Variants in IKZF3 observed in about 807,000 individuals in gnomAD.
The protein encoded by IKZF3 is zinc finger protein Aiolos.
In IKZF3, 10 loss-of-function variants were observed where a neutral mutation model predicts 49.0. The observed-to-expected ratio is 0.20, with a 90% confidence interval of 0.13 to 0.35. The LOEUF (loss-of-function observed/expected upper bound fraction) is 0.35, where lower values mean the gene tolerates loss of function less well. Among genes scored for constraint, IKZF3 ranks in the 10% least tolerant of loss-of-function variants. The pLI is 1.00. For synonymous variants in IKZF3, 209 were observed against 228.2 expected, an observed-to-expected ratio of 0.92 and a Z score of 0.76; for missense variants, 498 against 664.8, an observed-to-expected ratio of 0.75 and a Z score of 2.76.
intron 1 of IKZF3, 76 bp downstream of exon 1, chr17:39,864,044 A>T (rs1415760127): frequency 1.9e-6 from 3 of 1,568,508 alleles, no homozygotes; most frequent in Admixed American, 3.3e-5. Context: ...TGAGATTCAG[A>T]AGAAACTCTT....
At position 39,792,088 on chromosome 17, in the gene IKZF3, C is replaced by T. The variant is rs367611119; in HGVS notation, c.425-505G>A. Among the ~76,000 whole-genome samples, 48 of 151,812 alleles carry T rather than the reference C, an allele frequency of 3.2e-4. No homozygotes were observed. In the South Asian group the frequency reaches 1.0e-2, roughly 32 times the overall value. On this transcript the variant is annotated intron_variant, in intron 4 of 7. Transcript: ENST00000346872. ...TTTTAGTATTCCTTTTGAATATAATCTCCTTTGAAAAAAGAGCCAGAAACT... is the reference window on the plus strand; with the variant it reads ...TTTTAGTATTCCTTTTGAATATAATTTCCTTTGAAAAAAGAGCCAGAAACT...
At chr17:39,839,268 G>T in intron 1 of IKZF3, 1 of 374,526 alleles carries the variant, frequency 2.7e-6, no homozygotes, top group East Asian at 6.7e-5. Context: ...AATAAAACAT[G>T]TTCAACTCTC....
chr17:39,835,684 C>A, intron 1 of IKZF3: 1 of 460,354 alleles, frequency 2.2e-6, no homozygotes, highest in South Asian at 1.7e-5. Context: ...ACAGATGTGT[C>A]CAAGATCTGG....
chr17:39,837,181 C>T (rs533880610), intron 1 of IKZF3, among the ~76,000 whole-genome samples: 2 of 152,232 alleles, frequency 1.3e-5, no homozygotes, highest in East Asian at 3.9e-4. Context: ...ATGATCCTCC[C>T]ACCTCAGCCT....
chr17:39,772,995 T>C (rs9652838), intron 7 of IKZF3, among the ~76,000 whole-genome samples: 11,752 of 152,152 alleles, frequency 0.077, 845 homozygotes, highest in African/African-American at 0.19. Flanking sequence ...TTTGTATTTT[T>C]AGTAGAGATA....
At chr17:39,797,105 C>T (rs2061185508) in intron 3 of IKZF3, among the ~76,000 whole-genome samples, 1 of 150,680 alleles carries the variant, frequency 6.6e-6, no homozygotes, top group South Asian at 2.1e-4. Context: ...GTGGAGGTTG[C>T]AGTGAGCTGA....
Position 39,765,021 on chromosome 17 carries a change from A to C in IKZF3, c.*769T>G, listed in dbSNP as rs981447080. The C allele has an allele frequency of 2.6e-5, 4 of 152,334 alleles. No homozygotes were observed. The South Asian group carries it at 8.3e-4, about 32-fold the overall frequency. The allele number at this position is 152,334 out of a possible 1,614,324, so 9.4% of individuals were successfully genotyped here. ...TGCCAACCTTGACCAAAGGAAAGCG[A>C]TGTCATCATCCACAGTGGATAAATT... is the stretch of plus-strand genomic sequence containing the variant. On this transcript the variant is annotated 3_prime_UTR_variant, in exon 8 of 8. Coordinates refer to ENST00000346872, the MANE Select transcript of IKZF3 (RefSeq NM_012481.5).
At chr17:39,806,584 T>G (rs1033012461) in intron 3 of IKZF3, among the ~76,000 whole-genome samples, 6 of 152,032 alleles carry the variant, frequency 3.9e-5, no homozygotes, top group African/African-American at 1.2e-4. Context: ...AAAGACACAA[T>G]AAAGAGCGCT....
chr17:39,765,980 T>A lies in IKZF3; in HGVS notation c.1340A>T (p.Glu447Val). Residue 447 changes from glutamate (E) to valine (V), a missense_variant, in exon 8 of 8, where the codon GAG becomes GTG. Physicochemically the swap from Glu to Val is moderately radical, Grantham distance 121. Around this residue, in one of 3 missense-constraint regions of IKZF3, gnomAD observed 317 missense variants for 397.3 expected, o/e 0.80. Coordinates refer to ENST00000346872, the MANE Select transcript of IKZF3 (RefSeq NM_012481.5). ...DSVKVINKEG[E>V]VMDVYRCDHC... ...GTCACACCGATACACATCCATCACC[T>A]CCCCTTCCTTGTTGATCACTTTGAC... 1 of 1,614,128 alleles carries A rather than the reference T, an allele frequency of 6.2e-7. No individual in the cohort carries two copies. The highest frequency in any genetic ancestry group is 8.5e-7 in the Non-Finnish European group (1 of 1,179,986).
At chr17:39,828,270 G>A (rs531161254) in intron 3 of IKZF3, among the ~76,000 whole-genome samples, 1 of 152,158 alleles carries the variant, frequency 6.6e-6, no homozygotes, top group African/African-American at 2.4e-5. Context: ...CAGATGTATT[G>A]CCTAGTGGTA....
chr17:39,795,619 C>T (rs2061142678), intron 3 of IKZF3, among the ~76,000 whole-genome samples: 2 of 151,750 alleles, frequency 1.3e-5, no homozygotes, highest in East Asian at 3.9e-4. Flanking sequence ...GTTGGCCAGG[C>T]TGGTCTCGAA....
intron 3 of IKZF3, among the ~76,000 whole-genome samples, chr17:39,822,447 CTCTT>C (rs1284892389): frequency 6.6e-6 from 1 of 152,190 alleles, no homozygotes; most frequent in Non-Finnish European, 1.5e-5. Context: ...CACTCACTCT[CTCTT>C]CTGCCACCCT....
intron 1 of IKZF3, among the ~76,000 whole-genome samples, chr17:39,856,355 C>T (rs934592094): frequency 2.0e-5 from 3 of 151,990 alleles, no homozygotes; most frequent in African/African-American, 7.2e-5. Flanking sequence ...GTGGTGCAAT[C>T]TCCACTCACT....
chr17:39,823,646 G>A (rs2061871312), intron 3 of IKZF3, among the ~76,000 whole-genome samples: 1 of 152,128 alleles, frequency 6.6e-6, no homozygotes, highest in African/African-American at 2.4e-5. Context: ...TCAGGACATG[G>A]TGCTCTGTGT....
chr17:39,812,328 A>C (rs1053369374), intron 3 of IKZF3, among the ~76,000 whole-genome samples: 4 of 152,200 alleles, frequency 2.6e-5, no homozygotes, highest in Non-Finnish European at 4.4e-5. Flanking sequence ...TTGGGCTGAC[A>C]AATTACAAAA....
At chr17:39,803,805 G>A (rs1241635468) in intron 3 of IKZF3, among the ~76,000 whole-genome samples, 8 of 152,012 alleles carry the variant, frequency 5.3e-5, no homozygotes. Flanking sequence ...GAGCCACCGC[G>A]CCCAGCCACT....
intron 1 of IKZF3, among the ~76,000 whole-genome samples, chr17:39,841,209 G>C (rs1484039869): frequency 6.6e-6 from 1 of 152,056 alleles, no homozygotes. Context: ...CCACATGGAG[G>C]GACAGACAGC....
intron 3 of IKZF3, among the ~76,000 whole-genome samples, chr17:39,813,663 G>A (rs1448733215): frequency 6.6e-6 from 1 of 151,942 alleles, no homozygotes; most frequent in African/African-American, 2.4e-5. Flanking sequence ...AGGGAGAGAT[G>A]TCTTGGTTTT....
At chr17:39,848,741 C>T (rs1441268935) in intron 1 of IKZF3, among the ~76,000 whole-genome samples, 2 of 152,148 alleles carry the variant, frequency 1.3e-5, no homozygotes, top group African/African-American at 4.8e-5. Flanking sequence ...AATGCAGTGA[C>T]ATGACGTAGC....
Sources: allele counts gnomAD v4.1 joint callset (sites outside exome capture counted in the v4.1 genomes callset), GRCh38; gene constraint gnomAD v4.1.1; regional missense constraint gnomAD v4.1.1; transcripts MANE v1.5; gene names NCBI Gene and HGNC (gene_info 2026-07-23, HGNC 2026-07-21).